The following CUL9 variants were observed in gnomAD, a reference collection of about 807,000 sequenced individuals.
CUL9 encodes cullin-9.
CUL9 carries 79 observed loss-of-function variants against 272.6 expected under a neutral mutation model. The observed-to-expected ratio is 0.29, with a 90% confidence interval of 0.24 to 0.35. The LOEUF is 0.35. Among genes scored for constraint, CUL9 ranks in the 10% least tolerant of loss-of-function variants. CUL9 has a pLI of 1.00. For synonymous variants in CUL9, 1,186 were observed against 1,286.5 expected (o/e 0.92, Z 1.67); for missense variants, 2,532 against 3,255.6 (o/e 0.78, Z 5.41).
chr6:43,190,169 C>T (rs958136870), intron 8 of CUL9, among the ~76,000 whole-genome samples: 2 of 152,142 alleles, frequency 1.3e-5, no homozygotes, highest in African/African-American at 2.4e-5. Context: ...TTTTTCCTTA[C>T]GTCTGCCAAC....
chr6:43,196,575 A>G (rs899817395), intron 10 of CUL9, 70 bp from the exon 11 acceptor site: 18 of 1,377,982 alleles, frequency 1.3e-5, no homozygotes, highest in Non-Finnish European at 1.7e-5. Context: ...CCGGCCTTCT[A>G]TGCTTGCTTT....
chr6:43,201,160 C>T (rs1055867285), intron 16 of CUL9, among the ~76,000 whole-genome samples: 4 of 152,238 alleles, frequency 2.6e-5, no homozygotes, highest in Non-Finnish European at 4.4e-5. Context: ...GCAAGGGTCT[C>T]GAAATAGAAG....
At chr6:43,202,669 C>T in intron 16 of CUL9, 47 bp from the exon 17 acceptor site, 1 of 1,542,484 alleles carries the variant, frequency 6.5e-7, no homozygotes, top group South Asian at 1.1e-5. Flanking sequence ...ATGTGAGCCA[C>T]CACGTCCAGA....
At chr6:43,185,903 A>G in intron 3 of CUL9, 52 bp from the exon 4 acceptor site, 1 of 1,536,922 alleles carries the variant, frequency 6.5e-7, no homozygotes, top group Admixed American at 2.1e-5. Context: ...AGGGAAGGGG[A>G]GAGGCTAAAG....
At position 43,200,134 on chromosome 6, in the gene CUL9, G is replaced by C; in HGVS notation, c.3362G>C (p.Ser1121Thr). 4.3e-6 allele frequency: 7 copies of C among 1,614,170 alleles called. No homozygotes were observed. Among genetic ancestry groups the C allele is most frequent in the Non-Finnish European group, 5.9e-6 (7 of 1,180,010 alleles). The part of the protein sequence containing the change: ...YAQLYSNLTS[S>T]ILAGCIQMVL... Reference sequence around the variant, plus strand: ...CAGCTCTATAGCAACCTCACCTCCAGCATCCTGGCCGGCTGCATTCAGGTG... The same window carrying C: ...CAGCTCTATAGCAACCTCACCTCCACCATCCTGGCCGGCTGCATTCAGGTG... Residue 1121 changes from serine (S) to threonine (T), a missense_variant, in exon 14 of 41, where the codon AGC (serine) becomes ACC (threonine). Coordinates refer to ENST00000252050, the MANE Select transcript of CUL9 (RefSeq NM_015089.4). The surrounding 1 kb of genome is among the most constrained non-coding windows in gnomAD (Gnocchi z 4.0).
Position 43,220,526 on chromosome 6 carries a change from T to C in CUL9, c.6350T>C (p.Ile2117Thr), listed in dbSNP as rs1234090434. ...CTTGTTTTGAATTGCACCTGCCCCA[T>C]TGCCGACTGCCCCGCCCAGCCCACC... ...QNLVLNCTCP[I>T]ADCPAQPTGA... The change falls in exon 32 of 41, where the codon ATT becomes ACT. Residue 2117 changes from isoleucine (I) to threonine (T), a missense_variant. Physicochemically the swap from Ile to Thr is moderately conservative, Grantham distance 89 (BLOSUM62 -1). Coordinates refer to ENST00000252050, the MANE Select transcript of CUL9 (RefSeq NM_015089.4). The surrounding 1 kb of genome is among the most constrained non-coding windows in gnomAD (Gnocchi z 4.9). The C allele has an allele frequency of 1.9e-6, 3 of 1,614,100 alleles. No homozygotes were observed. Among genetic ancestry groups the C allele is most frequent in the Admixed American group, 3.3e-5 (2 of 60,016 alleles).
Position 43,195,100 on chromosome 6 carries a change from C to T in CUL9, c.2389-969C>T, listed in dbSNP as rs1315346067. ...TAAAATTACATCATCTTGTTAATAACTTAAAGTCTACAGAACTCAGCTAAC... is the reference window on the plus strand; with the variant it reads ...TAAAATTACATCATCTTGTTAATAATTTAAAGTCTACAGAACTCAGCTAAC... On this transcript the variant is annotated intron_variant, in intron 9 of 40. Coordinates refer to ENST00000252050, the MANE Select transcript of CUL9 (RefSeq NM_015089.4). Among the ~76,000 whole-genome samples, 14 of 152,280 alleles carry T rather than the reference C, an allele frequency of 9.2e-5. 1 individual carries two copies. The South Asian group carries it at 2.3e-3, about 25-fold the overall frequency.
chr6:43,212,982 G>A (rs762636424), intron 26 of CUL9, 167 bp from the exon 27 acceptor site: 16 of 723,252 alleles, frequency 2.2e-5, no homozygotes, highest in South Asian at 3.9e-5. Context: ...GGAGGCAGGC[G>A]CAGGGAAGGC....
At chr6:43,186,928 A>G (rs566246717) in intron 4 of CUL9, 32 bp from the exon 5 acceptor site, 2 of 1,610,760 alleles carry the variant, frequency 1.2e-6, no homozygotes. Context: ...AGCCTTCTCT[A>G]TTCTGCTCTC....
chr6:43,195,904 T>C (rs1451294770), intron 9 of CUL9, among the ~76,000 whole-genome samples, 165 bp from the exon 10 acceptor site: 2 of 152,174 alleles, frequency 1.3e-5, no homozygotes, highest in East Asian at 3.9e-4. Flanking sequence ...CTTCCCTCTC[T>C]TTGTAGTATT....
chr6:43,203,096 C>G lies in CUL9; in HGVS notation c.3754-13C>G, dbSNP rs768449220. The G allele has an allele frequency of 1.9e-6, 3 of 1,612,686 alleles. No individual in the cohort carries two copies. Among genetic ancestry groups the G allele is most frequent in the Non-Finnish European group, 2.5e-6 (3 of 1,179,878 alleles). On this transcript the variant is annotated splice_polypyrimidine_tract_variant and intron_variant, in intron 17 of 40. Transcript: ENST00000252050. This position sits in a 1 kb window ranked among gnomAD's most constrained non-coding sequence, Gnocchi z 5.0. Reference sequence around the variant, plus strand: ...GGTGACAGTTCTCTCCCTCTTCTCCCCTGCCCTACCAGGTGAATGTGATGC... The same window carrying G: ...GGTGACAGTTCTCTCCCTCTTCTCCGCTGCCCTACCAGGTGAATGTGATGC...
At chr6:43,207,661 C>T (rs1171900470) in intron 26 of CUL9, among the ~76,000 whole-genome samples, 4 of 151,594 alleles carry the variant, frequency 2.6e-5, no homozygotes, top group African/African-American at 9.7e-5. Flanking sequence ...TTTTAATTTC[C>T]AAACAAGTTT....
chr6:43,183,746 CTCTT>C (rs1422889489), intron 1 of CUL9, among the ~76,000 whole-genome samples: 9 of 150,842 alleles, frequency 6.0e-5, no homozygotes, highest in African/African-American at 9.8e-5. Flanking sequence ...TCCTCTCTCT[CTCTT>C]TCTTTCTTTT....
intron 31 of CUL9, 42 bp downstream of exon 31, chr6:43,216,545 C>A: frequency 6.6e-7 from 1 of 1,511,198 alleles, no homozygotes; most frequent in South Asian, 1.3e-5. Flanking sequence ...GGCTTTCTGC[C>A]CTACCCTAAC....
intron 24 of CUL9, 27 bp downstream of exon 24, chr6:43,205,450 G>A: frequency 6.2e-7 from 1 of 1,605,454 alleles, no homozygotes; most frequent in Non-Finnish European, 8.5e-7. Flanking sequence ...AGGCATAGGG[G>A]ATGGGAGGCC....
At chr6:43,193,373 G>A (rs1237842400) in intron 9 of CUL9, among the ~76,000 whole-genome samples, 165 bp downstream of exon 9, 1 of 152,150 alleles carries the variant, frequency 6.6e-6, no homozygotes, top group Non-Finnish European at 1.5e-5. Context: ...TCGGGATTAA[G>A]TGTTTGGAAA....
intron 26 of CUL9, among the ~76,000 whole-genome samples, chr6:43,208,102 C>T (rs1377249867): frequency 6.6e-6 from 1 of 152,204 alleles, no homozygotes; most frequent in African/African-American, 2.4e-5. Flanking sequence ...AAATTCTTTT[C>T]TGCACCGTTC....
rs1776367494 is a variant in CUL9 at position 43,221,539 on chromosome 6, A to C, written c.6753-146A>C. The C allele has an allele frequency of 1.1e-6, 1 of 875,062 alleles. No individual in the cohort carries two copies. 54.2% of individuals were successfully genotyped at this position (875,062 alleles called of 1,614,324 possible). On this transcript the variant is annotated intron_variant, in intron 34 of 40. Transcript: ENST00000252050. This position sits in a 1 kb window ranked among gnomAD's most constrained non-coding sequence, Gnocchi z 4.2. ...TGGGGGAGTTCAAAAGCAGAGGTGCATTCAGCAGGGCTGGGTATGACTAAG... is the reference window on the plus strand; with the variant it reads ...TGGGGGAGTTCAAAAGCAGAGGTGCCTTCAGCAGGGCTGGGTATGACTAAG...
In CUL9 at chr6:43,187,931, G is replaced by T. The variant is rs759356800; in HGVS notation, c.1800G>T (p.Ser600=). 1 of 1,613,878 alleles carries T rather than the reference G, an allele frequency of 6.2e-7. No homozygotes were observed. The highest frequency in any genetic ancestry group is 1.3e-5 in the African/African-American group (1 of 74,864). Residue 600 remains serine (S), a synonymous_variant, in exon 7 of 41, where the codon TCG becomes TCT. Transcript: ENST00000252050. ...CTPDPEEESK[S]EASFSEEETE... ...CAGATCCAGAAGAGGAGTCCAAGTC[G>T]GAGGCCAGCTTCTCAGAGGAAGAGA...
Sources: gnomAD v4.1 joint callset for allele counts (sites outside exome capture counted in the v4.1 genomes callset) on GRCh38, gnomAD v4.1.1 for gene constraint, Gnocchi (gnomAD v3.1) non-coding constraint, MANE v1.5 for transcripts, NCBI Gene and HGNC (gene_info 2026-07-23, HGNC 2026-07-21) for gene names.